Variants in OR2L13 observed in about 807,000 individuals in gnomAD.
OR2L13 encodes the protein olfactory receptor 2L13.
A neutral mutation model predicts 15.3 loss-of-function variants in OR2L13; 14 were observed. That is an observed-to-expected ratio of 0.91 (90% CI 0.60 to 1.43). The LOEUF is 1.43. Ranked by LOEUF, OR2L13 falls within the 40% of genes most tolerant of loss-of-function variation. OR2L13 has a pLI of 0.00. For missense variants in OR2L13, 367 were observed against 387.9 expected, an observed-to-expected ratio of 0.95 and a Z score of 0.45; for synonymous variants, 152 against 142.9, an observed-to-expected ratio of 1.06 and a Z score of -0.45.
the OR2L13 span, chr1:247,975,339 C>T: frequency 3.4e-5 from 18 of 534,590 alleles, no homozygotes; most frequent in Non-Finnish European, 5.0e-5. Flanking sequence ...CCCTCTTTCT[C>T]ATGTTTACCT....
At chr1:248,011,348 G>C in the OR2L13 span, among the ~76,000 whole-genome samples, 1 of 152,092 alleles carries the variant, frequency 6.6e-6, no homozygotes, top group Admixed American at 6.6e-5. Context: ...TCCCTTTGTG[G>C]GTAAACCAGT....
chr1:248,090,974 A>G (rs1664584145), upstream of OR2L13, among the ~76,000 whole-genome samples: 1 of 152,096 alleles, frequency 6.6e-6, no homozygotes, highest in Non-Finnish European at 1.5e-5. Flanking sequence ...AGTAATACCC[A>G]TTCTGACTGG....
chr1:247,949,302 A>G, the OR2L13 span: 2 of 1,614,180 alleles, frequency 1.2e-6, no homozygotes, highest in East Asian at 4.5e-5. Flanking sequence ...AGGGTCTTGG[A>G]TCATAGGCTC....
the OR2L13 span, among the ~76,000 whole-genome samples, chr1:247,986,159 G>T: frequency 6.6e-6 from 1 of 150,528 alleles, no homozygotes; most frequent in Admixed American, 6.6e-5. Context: ...ATTGCTTTTG[G>T]TGTTTTAGAC....
the OR2L13 span, chr1:248,083,841 G>C: frequency 6.2e-7 from 1 of 1,613,066 alleles, no homozygotes; most frequent in Non-Finnish European, 8.5e-7. Context: ...AAAAATGGCA[G>C]CTCCATAAAA....
the OR2L13 span, chr1:248,041,621 G>T: frequency 5.3e-3 from 811 of 152,106 alleles, 7 homozygotes; most frequent in African/African-American, 0.019. Flanking sequence ...CTGACAAAGG[G>T]CTAATATCCA....
the OR2L13 span, among the ~76,000 whole-genome samples, chr1:248,079,652 A>G: frequency 2.0e-5 from 3 of 152,218 alleles, no homozygotes; most frequent in South Asian, 6.2e-4. Context: ...TAATTGCCCC[A>G]CATAGATACA....
At chr1:248,093,050 G>A (rs80074415), upstream of OR2L13, among the ~76,000 whole-genome samples, 3,113 of 152,180 alleles carry the variant, frequency 0.02, 110 homozygotes, top group African/African-American at 0.07. Context: ...CATTTCATAC[G>A]CTGTCACAGG....
At chr1:247,999,368 G>A in the OR2L13 span, among the ~76,000 whole-genome samples, 2 of 152,072 alleles carry the variant, frequency 1.3e-5, no homozygotes, top group Middle Eastern at 3.2e-3. Context: ...GTATCTATCT[G>A]TGAGAGCTGA....
At chr1:248,022,938 T>C in the OR2L13 span, 9 of 1,479,254 alleles carry the variant, frequency 6.1e-6, no homozygotes, top group Middle Eastern at 1.8e-4. Context: ...AACTCAGCAG[T>C]GTACAGCAGT....
intron 1 of OR2L13, chr1:248,097,446 T>C (rs1027485693): frequency 6.6e-6 from 1 of 152,144 alleles, no homozygotes; most frequent in Admixed American, 6.5e-5. Context: ...TGGAAATAGA[T>C]CCTAAACTCA....
At chr1:248,006,241 ATATG>A in the OR2L13 span, among the ~76,000 whole-genome samples, 87 of 127,920 alleles carry the variant, frequency 6.8e-4, no homozygotes, top group Non-Finnish European at 1.1e-3. Flanking sequence ...ATATTGCAAG[ATATG>A]TGTGTGTGTG....
chr1:247,960,598 C>G, the OR2L13 span, among the ~76,000 whole-genome samples: 2 of 152,150 alleles, frequency 1.3e-5, no homozygotes, highest in African/African-American at 4.8e-5. Context: ...CCAGTTCGAG[C>G]CTCCTGGCTG....
At chr1:248,099,161 A>G (rs1252709739) in intron 2 of OR2L13, among the ~76,000 whole-genome samples, 197 bp from the exon 3 acceptor site, 4 of 152,202 alleles carry the variant, frequency 2.6e-5, no homozygotes, top group African/African-American at 4.8e-5. Context: ...AAATCAAACT[A>G]TAAGAACAGA....
the OR2L13 span, among the ~76,000 whole-genome samples, chr1:248,020,577 G>A: frequency 7.9e-5 from 12 of 152,018 alleles, no homozygotes; most frequent in African/African-American, 1.7e-4. Context: ...AGTAACTGGA[G>A]AATTGTGAAA....
the OR2L13 span, among the ~76,000 whole-genome samples, chr1:248,016,982 G>A: frequency 1.9e-3 from 287 of 152,260 alleles, 1 homozygote; most frequent in Non-Finnish European, 2.9e-3. Flanking sequence ...GTGCCAGTGT[G>A]TGGAGATAGT....
the OR2L13 span, among the ~76,000 whole-genome samples, chr1:248,048,483 C>T: frequency 1.3e-5 from 2 of 152,220 alleles, no homozygotes; most frequent in African/African-American, 4.8e-5. Flanking sequence ...GGAGAGCTGT[C>T]CTTGTCTATA....
chr1:247,944,913 G>A, the OR2L13 span, among the ~76,000 whole-genome samples: 1 of 151,618 alleles, frequency 6.6e-6, no homozygotes, highest in Non-Finnish European at 1.5e-5. Flanking sequence ...TATTTGTCTT[G>A]CTAATGATCT....
the OR2L13 span, among the ~76,000 whole-genome samples, chr1:248,053,071 C>T: frequency 6.6e-6 from 1 of 152,054 alleles, no homozygotes; most frequent in Non-Finnish European, 1.5e-5. Context: ...TTAAGCCCAG[C>T]ATGCACTAGC....
Sources: gnomAD v4.1 joint callset for allele counts (sites outside exome capture counted in the v4.1 genomes callset) on GRCh38, gnomAD v4.1.1 for gene constraint, MANE v1.5 for transcripts, NCBI Gene and HGNC (gene_info 2026-07-23, HGNC 2026-07-21) for gene names.